EHMT1: variants seen among roughly 807,000 people sequenced by gnomAD.
EHMT1 encodes euchromatic histone lysine methyltransferase 1.
In EHMT1, 15 loss-of-function variants were observed where a neutral mutation model predicts 147.2. The ratio of observed to expected loss-of-function variants is 0.10; its 90% CI spans 0.07 to 0.16. EHMT1 has a LOEUF of 0.16. EHMT1 is among the 10% of genes least tolerant of loss of function. The pLI, the probability that EHMT1 is intolerant of heterozygous loss-of-function variation, is 1.00. For missense variants in EHMT1, 1,587 were observed against 1,772.4 expected (o/e 0.90, Z 1.88); for synonymous variants, 795 against 709.6 (o/e 1.12, Z -1.91).
chr9:137,799,368 C>T (rs1390646056), intron 17 of EHMT1, among the ~76,000 whole-genome samples: 1 of 152,184 alleles, frequency 6.6e-6, no homozygotes, highest in Non-Finnish European at 1.5e-5. Flanking sequence ...TCACTAGCCT[C>T]CCTCCTTGGC....
At chr9:137,649,819 T>C (rs1347606551) in intron 1 of EHMT1, among the ~76,000 whole-genome samples, 9 of 152,216 alleles carry the variant, frequency 5.9e-5, no homozygotes, top group Non-Finnish European at 1.3e-4. Flanking sequence ...TTCACACTTC[T>C]GGCCTCCAGA....
At chr9:137,644,245 TG>T (rs1844721315) in intron 1 of EHMT1, among the ~76,000 whole-genome samples, 1 of 151,602 alleles carries the variant, frequency 6.6e-6, no homozygotes, top group Non-Finnish European at 1.5e-5. Flanking sequence ...CGTAAACAAG[TG>T]GGGGTGGTTG....
chr9:137,635,930 T>G (rs1396425775), intron 1 of EHMT1, among the ~76,000 whole-genome samples: 1 of 152,048 alleles, frequency 6.6e-6, no homozygotes, highest in African/African-American at 2.4e-5. Context: ...AAAAAATTTT[T>G]TTTTTTTGAG....
chr9:137,676,834 T>C (rs949864496), intron 1 of EHMT1, among the ~76,000 whole-genome samples: 4 of 152,110 alleles, frequency 2.6e-5, no homozygotes, highest in Non-Finnish European at 4.4e-5. Flanking sequence ...GGCCTGGGAT[T>C]CCATCTGTGA....
intron 4 of EHMT1, among the ~76,000 whole-genome samples, chr9:137,729,834 G>C (rs545271996): frequency 6.6e-6 from 1 of 152,188 alleles, no homozygotes; most frequent in African/African-American, 2.4e-5. Context: ...CATTCTCTTA[G>C]ATGACTACAG....
At chr9:137,739,117 A>C (rs1289847627) in intron 4 of EHMT1, among the ~76,000 whole-genome samples, 1 of 151,066 alleles carries the variant, frequency 6.6e-6, no homozygotes, top group Non-Finnish European at 1.5e-5. Context: ...CATGCCTGTA[A>C]TCCCAGCACT....
intron 4 of EHMT1, among the ~76,000 whole-genome samples, chr9:137,737,518 T>C (rs1947645096): frequency 6.6e-6 from 1 of 152,194 alleles, no homozygotes; most frequent in African/African-American, 2.4e-5. Flanking sequence ...CTAAGACAGG[T>C]CCAGGACCTA....
intron 1 of EHMT1, among the ~76,000 whole-genome samples, chr9:137,659,344 T>G (rs1938820590): frequency 6.6e-6 from 1 of 151,934 alleles, no homozygotes; most frequent in Non-Finnish European, 1.5e-5. Flanking sequence ...TTTTGTTGTT[T>G]CTGTGTATTA....
chr9:137,663,360 G>GT (rs1939288723), intron 1 of EHMT1, among the ~76,000 whole-genome samples: 1 of 152,144 alleles, frequency 6.6e-6, no homozygotes, highest in African/African-American at 2.4e-5. Context: ...CAAGATCCTG[G>GT]TTTTTGTTGT....
At chr9:137,641,987 C>A (rs1178795679) in intron 1 of EHMT1, among the ~76,000 whole-genome samples, 1 of 150,086 alleles carries the variant, frequency 6.7e-6, no homozygotes, top group East Asian at 2.0e-4. Context: ...CTACAGGCAC[C>A]CACCACCATG....
chr9:137,754,481 A>G (rs528160374), intron 8 of EHMT1, among the ~76,000 whole-genome samples, 190 bp downstream of exon 8: 60 of 152,284 alleles, frequency 3.9e-4, no homozygotes, highest in Admixed American at 2.1e-3. Context: ...TGGCCAATGT[A>G]GTGGACGTTG....
intron 1 of EHMT1, among the ~76,000 whole-genome samples, chr9:137,621,478 C>G (rs1842936758): frequency 6.6e-6 from 1 of 152,190 alleles, no homozygotes; most frequent in Non-Finnish European, 1.5e-5. Context: ...GGGCGGATCA[C>G]TTGAGGTCAG....
chr9:137,752,243 T>A, intron 6 of EHMT1, 88 bp from the exon 7 acceptor site: 1 of 1,488,076 alleles, frequency 6.7e-7, no homozygotes, highest in Non-Finnish European at 9.2e-7. Flanking sequence ...GTTTCGAGGT[T>A]TGCTTTGGAT....
intron 18 of EHMT1, among the ~76,000 whole-genome samples, chr9:137,806,517 C>T (rs1172537307): frequency 2.0e-5 from 3 of 151,910 alleles, no homozygotes; most frequent in African/African-American, 4.8e-5. Flanking sequence ...TCACTGCAAC[C>T]GCCTTCTTCC....
intron 3 of EHMT1, 90 bp from the exon 4 acceptor site, chr9:137,728,259 T>C: frequency 1.3e-6 from 2 of 1,551,442 alleles, no homozygotes; most frequent in Admixed American, 1.7e-5. Context: ...TGGGGAATTA[T>C]CGGGGAGAAG....
chr9:137,812,891 A>G (rs1954608529), intron 19 of EHMT1, 115 bp from the exon 20 acceptor site: 2 of 1,417,192 alleles, frequency 1.4e-6, no homozygotes, highest in Admixed American at 1.7e-5. Context: ...AAGTTATCTC[A>G]CAGTGAATAG....
intron 1 of EHMT1, among the ~76,000 whole-genome samples, chr9:137,681,327 G>A (rs1941919731): frequency 6.6e-6 from 1 of 152,164 alleles, no homozygotes; most frequent in South Asian, 2.1e-4. Flanking sequence ...CCTGAGAATT[G>A]TATTTAGCTC....
At chr9:137,660,137 C>A (rs1010695721) in intron 1 of EHMT1, among the ~76,000 whole-genome samples, 2 of 151,850 alleles carry the variant, frequency 1.3e-5, no homozygotes, top group South Asian at 4.2e-4. Flanking sequence ...GAGCTCGAGA[C>A]CAGCCTGGGC....
chr9:137,681,823 G>A (rs913948643), intron 1 of EHMT1, among the ~76,000 whole-genome samples: 1 of 152,188 alleles, frequency 6.6e-6, no homozygotes, highest in Admixed American at 6.5e-5. Context: ...TGTTTGTGTG[G>A]TGAGACATTG....
Sources: allele counts gnomAD v4.1 joint callset (sites outside exome capture counted in the v4.1 genomes callset), GRCh38; gene constraint gnomAD v4.1.1; transcripts MANE v1.5; gene names NCBI Gene and HGNC (gene_info 2026-07-23, HGNC 2026-07-21).